The following ZMYND11 variants were observed in gnomAD, a reference collection of about 807,000 sequenced individuals.
ZMYND11 encodes zinc finger MYND-type containing 11, also known as zinc finger MYND domain-containing protein 11.
A neutral mutation model predicts 84.9 loss-of-function variants in ZMYND11; 9 were observed. The observed-to-expected ratio is 0.11, with a 90% CI of 0.06 to 0.18. The LOEUF is 0.18. Ranked by LOEUF, ZMYND11 falls within the 10% of genes least tolerant of loss-of-function variation. The pLI is 1.00. For synonymous variants in ZMYND11, 250 were observed against 244.1 expected (o/e 1.02, Z -0.23); for missense variants, 409 against 761.0 (o/e 0.54, Z 5.44).
chr10:157,996 G>C (rs1468324132), intron 1 of ZMYND11, among the ~76,000 whole-genome samples: 1 of 152,154 alleles, frequency 6.6e-6, no homozygotes, highest in Non-Finnish European at 1.5e-5. Context: ...CTTTCACTTA[G>C]AATGTTTTCG....
intron 1 of ZMYND11, among the ~76,000 whole-genome samples, chr10:179,175 C>T (rs1027590183): frequency 2.0e-5 from 3 of 152,152 alleles, no homozygotes; most frequent in African/African-American, 7.2e-5. Flanking sequence ...CCTACAAGCA[C>T]GTCTCTCCAT....
chr10:248,682 G>C (rs1440407795), intron 13 of ZMYND11, 74 bp downstream of exon 13: 50 of 1,502,606 alleles, frequency 3.3e-5, no homozygotes, highest in Non-Finnish European at 4.2e-5. Context: ...TTTCACTCAT[G>C]CATCAACCCA....
chr10:176,624 T>G (rs1349649449), intron 1 of ZMYND11, among the ~76,000 whole-genome samples: 1 of 152,200 alleles, frequency 6.6e-6, no homozygotes, highest in Non-Finnish European at 1.5e-5. Context: ...TTTTGAGGAA[T>G]TTTGTACAAA....
chr10:161,368 A>G (rs892996303), intron 1 of ZMYND11, among the ~76,000 whole-genome samples: 1 of 152,196 alleles, frequency 6.6e-6, no homozygotes, highest in Admixed American at 6.5e-5. Context: ...TGCTCCATCT[A>G]CACAACACGG....
At chr10:190,855 C>T (rs959652884) in intron 2 of ZMYND11, among the ~76,000 whole-genome samples, 1 of 152,056 alleles carries the variant, frequency 6.6e-6, no homozygotes, top group Non-Finnish European at 1.5e-5. Flanking sequence ...ATTCCTTATT[C>T]AAGCCCATTT....
intron 5 of ZMYND11, among the ~76,000 whole-genome samples, chr10:237,257 C>A (rs964908302): frequency 1.3e-5 from 2 of 152,176 alleles, no homozygotes; most frequent in Non-Finnish European, 2.9e-5. Flanking sequence ...TCTATCACAA[C>A]TTTAAGGAAT....
In ZMYND11 at chr10:242,150, A is replaced by C. The variant is rs1399038261; in HGVS notation, c.950+11A>C. 2 of 1,613,956 alleles carry C rather than the reference A, an allele frequency of 1.2e-6. No individual in the cohort carries two copies. The highest frequency in any genetic ancestry group is 3.3e-5 in the Admixed American group (2 of 60,016). On this transcript the variant is annotated intron_variant, in intron 10 of 14. Transcript: ENST00000381604. ...CCACCACCACCAGAGGTAATTTGTG[A>C]TCCCATGTTCAGCGGTCACAGCTGT...
Position 191,329 on chromosome 10 carries a change from T to A in ZMYND11, c.116+11201T>A, listed in dbSNP as rs1052322312. Among the ~76,000 whole-genome samples the A allele has an allele frequency of 3.9e-5, 6 of 152,358 alleles. No homozygotes were observed. The East Asian group carries it at 9.6e-4, about 24-fold the overall frequency. On this transcript the variant is annotated intron_variant, in intron 2 of 14. Transcript: ENST00000381604. ...ACCATTAAATGTTTCCTTCCGGCAT[T>A]TTTTAATGGATTTGTATCTTTGCAA...
At chr10:183,625 T>G (rs774237514) in intron 2 of ZMYND11, among the ~76,000 whole-genome samples, 5 of 152,272 alleles carry the variant, frequency 3.3e-5, no homozygotes, top group African/African-American at 7.2e-5. Context: ...ATGGGAAAAG[T>G]AGAATAATTC....
intron 4 of ZMYND11, among the ~76,000 whole-genome samples, chr10:222,577 G>A (rs11251059): frequency 0.23 from 34,642 of 151,996 alleles, 4,202 homozygotes; most frequent in Middle Eastern, 0.32. Flanking sequence ...ACAATTTGGA[G>A]CAAAGGAGCT....
In ZMYND11 at chr10:248,421, C is replaced by T; in HGVS notation, c.1313C>T (p.Thr438Ile). ...CCCATCGAAAAAGTCTCCGTGTCAA[C>T]TCAGACAAAGAAGTTAAGTGCCTCT... ...PQPIEKVSVS[T>I]QTKKLSASSP... is the part of the protein sequence containing the mutation. The change falls in exon 13 of 15, where the codon ACT becomes ATT. Residue 438 changes from threonine to isoleucine, a missense_variant. Coordinates refer to ENST00000381604, the MANE Select transcript of ZMYND11 (RefSeq NM_001370100.5). The T allele has an allele frequency of 6.2e-7, 1 of 1,614,206 alleles. No homozygotes were observed. The highest frequency in any genetic ancestry group is 8.5e-7 in the Non-Finnish European group (1 of 1,180,034).
chr10:130,739 A>G (rs752439169), upstream of ZMYND11, among the ~76,000 whole-genome samples: 1 of 152,214 alleles, frequency 6.6e-6, no homozygotes, highest in Non-Finnish European at 1.5e-5. Context: ...CCAAGGTTCA[A>G]AAAGGTGAAA....
chr10:168,157 T>C (rs928431772), intron 1 of ZMYND11, among the ~76,000 whole-genome samples: 3 of 152,078 alleles, frequency 2.0e-5, no homozygotes, highest in Non-Finnish European at 2.9e-5. Context: ...GGGCAGACAA[T>C]ACTACATATG....
intron 2 of ZMYND11, among the ~76,000 whole-genome samples, chr10:193,697 G>C (rs1202507192): frequency 6.6e-6 from 1 of 152,182 alleles, no homozygotes; most frequent in South Asian, 2.1e-4. Context: ...TAAGATTACA[G>C]GAAGTTTTTA....
chr10:153,503 A>G (rs1840923003), intron 1 of ZMYND11, among the ~76,000 whole-genome samples: 1 of 152,218 alleles, frequency 6.6e-6, no homozygotes, highest in Non-Finnish European at 1.5e-5. Flanking sequence ...AATATAACGA[A>G]GAGTTTCCTT....
chr10:204,389 A>G (rs1233289269), intron 2 of ZMYND11, among the ~76,000 whole-genome samples: 1 of 152,068 alleles, frequency 6.6e-6, no homozygotes, highest in African/African-American at 2.4e-5. Flanking sequence ...GTTGTTGTAA[A>G]TAATTGAGTT....
chr10:139,151 C>A (rs1215412137), intron 1 of ZMYND11, among the ~76,000 whole-genome samples: 8 of 152,166 alleles, frequency 5.3e-5, no homozygotes, highest in African/African-American at 1.9e-4. Context: ...TATTTTAATT[C>A]ATTTGAATAA....
At chr10:145,536 C>T (rs770083163) in intron 1 of ZMYND11, among the ~76,000 whole-genome samples, 1 of 152,168 alleles carries the variant, frequency 6.6e-6, no homozygotes, top group Non-Finnish European at 1.5e-5. Flanking sequence ...ATTCTCTTTT[C>T]TCCGCATCCA....
intron 1 of ZMYND11, among the ~76,000 whole-genome samples, chr10:151,567 A>G (rs1458003920): frequency 3.3e-5 from 5 of 152,226 alleles, no homozygotes; most frequent in Non-Finnish European, 7.3e-5. Context: ...GGACTATGTG[A>G]AAAGACCAAA....
Sources: gnomAD v4.1 joint callset for allele counts (sites outside exome capture counted in the v4.1 genomes callset) on GRCh38, gnomAD v4.1.1 for gene constraint, MANE v1.5 for transcripts, NCBI Gene and HGNC (gene_info 2026-07-23, HGNC 2026-07-21) for gene names.